Variants in TBCK observed in about 807,000 individuals in gnomAD.
TBCK encodes TBC1 domain containing kinase, also known as TBC domain-containing protein kinase-like protein.
Under a neutral mutation model 113.4 loss-of-function variants are expected in TBCK, and 99 were observed. The observed-to-expected ratio is 0.87, with a 90% CI of 0.74 to 1.03. The LOEUF (loss-of-function observed/expected upper bound fraction) is 1.03, where lower values mean the gene tolerates loss of function less well. Ranked by LOEUF, TBCK falls within the 50% of genes least tolerant of loss-of-function variation. The probability of loss-of-function intolerance (pLI) is 0.00; values close to 1 mark genes in which losing one functional copy is unlikely to be tolerated. For missense variants in TBCK, 1,045 were observed against 1,061.3 expected (o/e 0.98, Z 0.21); for synonymous variants, 369 against 370.8 (o/e 1.00, Z 0.05).
chr4:106,273,268 A>C (rs1763692188), intron 3 of TBCK, among the ~76,000 whole-genome samples: 1 of 152,212 alleles, frequency 6.6e-6, no homozygotes, highest in Admixed American at 6.5e-5. Context: ...AGACATAATA[A>C]ATTTTTATAC....
In TBCK at chr4:106,285,185, T is replaced by C. The variant is rs535672939; in HGVS notation, c.266+9909A>G. The stretch of plus-strand genomic sequence containing the variant: ...CCTGAATGGACTGTAAAGAAAATGT[T>C]GAATATTTTTTTTCCTTTAAACCAG... On this transcript the variant is annotated intron_variant, in intron 3 of 25. Coordinates refer to ENST00000394708, the MANE Select transcript of TBCK (RefSeq NM_001163435.3). Among the ~76,000 whole-genome samples, 4 of 152,222 alleles carry C rather than the reference T, an allele frequency of 2.6e-5. No homozygotes were observed. The South Asian group carries it at 8.3e-4, about 32-fold the overall frequency.
intron 22 of TBCK, among the ~76,000 whole-genome samples, chr4:106,178,129 ACT>A (rs1560769053): frequency 6.6e-6 from 1 of 151,746 alleles, no homozygotes; most frequent in Non-Finnish European, 1.5e-5. Context: ...CAGATTGTTC[ACT>A]GTTGGTTTAA....
chr4:106,118,849 A>G (rs1211951193), intron 23 of TBCK, among the ~76,000 whole-genome samples: 2 of 152,228 alleles, frequency 1.3e-5, no homozygotes, highest in Non-Finnish European at 2.9e-5. Flanking sequence ...AGGAAAGAGT[A>G]TTGCTATATG....
Position 106,112,033 on chromosome 4 carries a change from T to A in TBCK, c.2411+4170A>T, listed in dbSNP as rs190615230. 5.0e-3 allele frequency among the ~76,000 whole-genome samples: 764 copies of A among 152,262 alleles called. 4 individuals carry two copies. The highest frequency in any genetic ancestry group is 0.018 in the African/African-American group (735 of 41,548). Reference sequence around the variant, plus strand: ...GAGACAACTAGATTGCATTGATACATGGTATTCAGTTCAATTATTTGTTTT... The same window carrying A: ...GAGACAACTAGATTGCATTGATACAAGGTATTCAGTTCAATTATTTGTTTT... On this transcript the variant is annotated intron_variant, in intron 24 of 25. Transcript: ENST00000394708.
intron 23 of TBCK, among the ~76,000 whole-genome samples, chr4:106,165,720 C>T (rs906995423): frequency 1.3e-5 from 2 of 151,610 alleles, no homozygotes; most frequent in Admixed American, 1.3e-4. Context: ...AGGAGCTTTA[C>T]GTATATCATT....
At chr4:106,245,981 C>T (rs1369822130) in intron 10 of TBCK, among the ~76,000 whole-genome samples, 2 of 152,054 alleles carry the variant, frequency 1.3e-5, no homozygotes, top group African/African-American at 2.4e-5. Flanking sequence ...ATAATGAATA[C>T]ATAGTATTGG....
At chr4:106,293,556 T>C (rs1052888000) in intron 3 of TBCK, among the ~76,000 whole-genome samples, 1 of 152,186 alleles carries the variant, frequency 6.6e-6, no homozygotes, top group African/African-American at 2.4e-5. Context: ...ATGGAAAACC[T>C]GTCTTCCACA....
chr4:106,072,550 T>G (rs1163478808), intron 25 of TBCK, among the ~76,000 whole-genome samples: 1 of 152,224 alleles, frequency 6.6e-6, no homozygotes, highest in South Asian at 2.1e-4. Context: ...ATTTTAACCT[T>G]GGTTAATCCG....
At chr4:106,092,700 A>AGCCCAC (rs1485138197) in intron 25 of TBCK, among the ~76,000 whole-genome samples, 2 of 152,226 alleles carry the variant, frequency 1.3e-5, no homozygotes, top group Non-Finnish European at 2.9e-5. Flanking sequence ...GGGGCCGTCA[A>AGCCCAC]GCCCACGCCC....
At chr4:106,239,539 G>C (rs542958375) in intron 12 of TBCK, among the ~76,000 whole-genome samples, 3 of 152,096 alleles carry the variant, frequency 2.0e-5, no homozygotes, top group Non-Finnish European at 2.9e-5. Flanking sequence ...TTTTATAAAG[G>C]ATGGCCAACA....
intron 23 of TBCK, among the ~76,000 whole-genome samples, chr4:106,122,236 A>T (rs1398913325): frequency 3.3e-5 from 5 of 152,080 alleles, no homozygotes; most frequent in African/African-American, 1.2e-4. Flanking sequence ...ATCAGAGAAT[A>T]CTACAAACAC....
At chr4:106,300,355 G>C (rs1393955341) in intron 2 of TBCK, among the ~76,000 whole-genome samples, 2 of 152,166 alleles carry the variant, frequency 1.3e-5, no homozygotes, top group Non-Finnish European at 2.9e-5. Flanking sequence ...TAAAGGAGTT[G>C]AATAAGGAGT....
At chr4:106,196,117 A>G (rs577304352) in intron 20 of TBCK, among the ~76,000 whole-genome samples, 7 of 152,196 alleles carry the variant, frequency 4.6e-5, no homozygotes, top group African/African-American at 1.7e-4. Context: ...TATTACCATT[A>G]TTAATAATTT....
intron 22 of TBCK, among the ~76,000 whole-genome samples, chr4:106,182,800 C>G (rs1363037918): frequency 1.3e-5 from 2 of 152,048 alleles, no homozygotes; most frequent in African/African-American, 4.8e-5. Flanking sequence ...GAAGCACTCT[C>G]TGTAAGGTAA....
intron 3 of TBCK, 39 bp downstream of exon 3, chr4:106,295,054 GT>G: frequency 6.6e-7 from 1 of 1,515,604 alleles, no homozygotes; most frequent in Non-Finnish European, 9.0e-7. Context: ...TGTTTGCCAA[GT>G]TCTGCTTTTC....
intron 25 of TBCK, among the ~76,000 whole-genome samples, chr4:106,049,676 C>T (rs768431908): frequency 4.6e-5 from 7 of 151,902 alleles, no homozygotes; most frequent in Non-Finnish European, 1.0e-4. Context: ...ACTGTATACT[C>T]CACAGAGTGC....
At chr4:106,205,028 GT>G (rs1266061456) in intron 20 of TBCK, among the ~76,000 whole-genome samples, 1 of 151,434 alleles carries the variant, frequency 6.6e-6, no homozygotes, top group African/African-American at 2.4e-5. Context: ...GCCTCCCAAA[GT>G]GCTGGGATTA....
chr4:106,150,326 C>A (rs539437600), intron 23 of TBCK, among the ~76,000 whole-genome samples: 1 of 152,066 alleles, frequency 6.6e-6, no homozygotes, highest in South Asian at 2.1e-4. Flanking sequence ...AGATATTTTC[C>A]CCCATATGAA....
At chr4:106,072,612 CT>C (rs1737610351) in intron 25 of TBCK, among the ~76,000 whole-genome samples, 1 of 152,054 alleles carries the variant, frequency 6.6e-6, no homozygotes, top group South Asian at 2.1e-4. Flanking sequence ...TTGTAGTGTT[CT>C]CTGTATCTTC....
Sources: gnomAD v4.1 joint callset for allele counts (sites outside exome capture counted in the v4.1 genomes callset) on GRCh38, gnomAD v4.1.1 for gene constraint, MANE v1.5 for transcripts, NCBI Gene and HGNC (gene_info 2026-07-23, HGNC 2026-07-21) for gene names.